TM2D1: variants seen among roughly 807,000 people sequenced by gnomAD.
TM2D1 encodes TM2 domain containing 1, also known as TM2 domain-containing protein 1.
In TM2D1, 15 loss-of-function variants were observed where a neutral mutation model predicts 28.4. The ratio of observed to expected loss-of-function variants is 0.53; its 90% CI spans 0.35 to 0.81. The LOEUF (loss-of-function observed/expected upper bound fraction) is 0.81, where lower values mean the gene tolerates loss of function less well. TM2D1 is among the 40% of genes least tolerant of loss of function. The pLI is 0.01. For missense variants in TM2D1, 236 were observed against 254.9 expected, an observed-to-expected ratio of 0.93 and a Z score of 0.50; for synonymous variants, 93 against 96.2, an observed-to-expected ratio of 0.97 and a Z score of 0.20.
At chr1:61,716,509 T>TACA (rs1290854423) in intron 2 of TM2D1, among the ~76,000 whole-genome samples, 1 of 145,648 alleles carries the variant, frequency 6.9e-6, no homozygotes, top group African/African-American at 2.5e-5. Context: ...ATATATAATT[T>TACA]TATATATGTA....
chr1:61,711,058 G>A (rs74895971), intron 2 of TM2D1, among the ~76,000 whole-genome samples: 6,313 of 152,164 alleles, frequency 0.041, 446 homozygotes, highest in African/African-American at 0.14. Context: ...GGTCGGGCGC[G>A]GTGGCTCAAT....
chr1:61,710,337 G>C (rs567244977), intron 2 of TM2D1, among the ~76,000 whole-genome samples: 1 of 148,778 alleles, frequency 6.7e-6, no homozygotes, highest in Non-Finnish European at 1.5e-5. Flanking sequence ...GAGGTGAGAG[G>C]ATCACTTGGG....
chr1:61,708,555 C>T (rs533407363), intron 3 of TM2D1, among the ~76,000 whole-genome samples: 4 of 152,182 alleles, frequency 2.6e-5, no homozygotes, highest in African/African-American at 9.6e-5. Context: ...GCTAGCCAAA[C>T]TGATAACTTT....
intron 5 of TM2D1, among the ~76,000 whole-genome samples, chr1:61,691,929 A>AT (rs1325766710): frequency 1.0e-5 from 1 of 96,240 alleles, no homozygotes; most frequent in Non-Finnish European, 2.0e-5. Flanking sequence ...CTTAAAAAAA[A>AT]AAAATATATA....
At chr1:61,724,930 TGGG>T (rs768688314) in intron 1 of TM2D1, 24 bp downstream of exon 1, 9 of 1,562,990 alleles carry the variant, frequency 5.8e-6, no homozygotes, top group Non-Finnish European at 7.8e-6. Context: ...CTCGCCTCCA[TGGG>T]GGGGTGTTCT....
chr1:61,682,990 G>A lies in TM2D1; in HGVS notation c.*19+427C>T, dbSNP rs552279751. On this transcript the variant is annotated intron_variant, in intron 6 of 6. Coordinates refer to ENST00000606498, the MANE Select transcript of TM2D1 (RefSeq NM_032027.3). ...TTAGGTTAGAAGAAGCACTTACAGG[G>A]AATTCAGGCTTTGGACTCTTTCAGT... Among the ~76,000 whole-genome samples the A allele has an allele frequency of 3.3e-5, 5 of 152,190 alleles. No homozygotes were observed. In the East Asian group the frequency reaches 9.6e-4, roughly 29 times the overall value.
At chr1:61,709,212 A>C in intron 3 of TM2D1, 117 bp downstream of exon 3, 1 of 692,820 alleles carries the variant, frequency 1.4e-6, no homozygotes, top group South Asian at 1.8e-5. Context: ...TGACACAAGC[A>C]AAAAGATAAA....
At chr1:61,709,514 AAT>A in intron 2 of TM2D1, 77 bp from the exon 3 acceptor site, 1 of 1,006,168 alleles carries the variant, frequency 9.9e-7, no homozygotes, top group South Asian at 1.4e-5. Flanking sequence ...AAGACTAGCA[AAT>A]ATGTTATAAC....
intron 2 of TM2D1, among the ~76,000 whole-genome samples, chr1:61,710,475 T>TACAC (rs34366819): frequency 0.017 from 2,073 of 119,528 alleles, 40 homozygotes; most frequent in African/African-American, 0.043. Flanking sequence ...TATATATATA[T>TACAC]ACACACACAC....
intron 5 of TM2D1, among the ~76,000 whole-genome samples, chr1:61,684,209 C>T (rs895722690): frequency 6.6e-6 from 1 of 152,088 alleles, no homozygotes; most frequent in African/African-American, 2.4e-5. Context: ...TATAAATTAC[C>T]CTCTAAGGTA....
intron 4 of TM2D1, among the ~76,000 whole-genome samples, chr1:61,700,654 G>A (rs563850098): frequency 6.6e-6 from 1 of 152,280 alleles, no homozygotes; most frequent in South Asian, 2.1e-4. Context: ...TGTGTGCCCA[G>A]CACTAGCAGT....
At chr1:61,710,446 A>AAG (rs1491269207) in intron 2 of TM2D1, among the ~76,000 whole-genome samples, 2 of 104,416 alleles carry the variant, frequency 1.9e-5, no homozygotes, top group Non-Finnish European at 3.8e-5. Context: ...AAAAAAAAAA[A>AAG]TGTATATATA....
At chr1:61,692,026 T>C (rs1278875647) in intron 5 of TM2D1, among the ~76,000 whole-genome samples, 1 of 144,550 alleles carries the variant, frequency 6.9e-6, no homozygotes, top group Non-Finnish European at 1.5e-5. Flanking sequence ...TGAATAACCA[T>C]ATATATATAT....
chr1:61,694,512 A>G, intron 5 of TM2D1, 185 bp downstream of exon 5: 1 of 436,692 alleles, frequency 2.3e-6, no homozygotes, highest in Non-Finnish European at 4.1e-6. Flanking sequence ...TAACTGGTAG[A>G]GCACAGTTTG....
intron 1 of TM2D1, chr1:61,724,479 T>C (rs1186112216): frequency 6.5e-6 from 1 of 153,090 alleles, no homozygotes; most frequent in African/African-American, 2.4e-5. Context: ...TACCATCTCA[T>C]GAAGTTTGAA....
rs1644595013 is a variant in TM2D1, at chr1:61,724,989, C to T, written c.132G>A (p.Glu44=). The part of the protein sequence containing the change: ...GAVATSAGGE[E]SLKCEDLKVG... ...CTTTGAGGTCCTCGCACTTAAGCGA[C>T]TCCTCGCCCCCGGCGGAGGTGGCAA... Residue 44 remains glutamate, a synonymous_variant, in exon 1 of 7, where the codon GAG becomes GAA. Coordinates refer to ENST00000606498, the MANE Select transcript of TM2D1 (RefSeq NM_032027.3). 1 of 1,606,706 alleles carries T rather than the reference C, an allele frequency of 6.2e-7. No individual in the cohort carries two copies.
intron 2 of TM2D1, among the ~76,000 whole-genome samples, chr1:61,716,869 C>T (rs7528529): frequency 0.022 from 3,382 of 152,070 alleles, 125 homozygotes; most frequent in African/African-American, 0.077. Context: ...TTTCCTTTCA[C>T]AAACAGGAAA....
intron 4 of TM2D1, among the ~76,000 whole-genome samples, chr1:61,695,157 T>G (rs919357930): frequency 6.6e-6 from 1 of 151,998 alleles, no homozygotes; most frequent in Non-Finnish European, 1.5e-5. Flanking sequence ...GACCCAAAAT[T>G]TACTATACAT....
intron 5 of TM2D1, 90 bp downstream of exon 5, chr1:61,694,606 CT>C: frequency 1.2e-6 from 1 of 832,856 alleles, no homozygotes; most frequent in Non-Finnish European, 1.9e-6. Context: ...TCTCTGCTTC[CT>C]CGTATACTAA....
Sources: gnomAD v4.1 joint callset for allele counts (sites outside exome capture counted in the v4.1 genomes callset) on GRCh38, gnomAD v4.1.1 for gene constraint, MANE v1.5 for transcripts, NCBI Gene and HGNC (gene_info 2026-07-23, HGNC 2026-07-21) for gene names.